Variants in SMPDL3B observed in about 807,000 individuals in gnomAD.
SMPDL3B encodes acid sphingomyelinase-like phosphodiesterase 3b.
A neutral mutation model predicts 37.9 loss-of-function variants in SMPDL3B; 31 were observed. The observed-to-expected ratio is 0.82, with a 90% CI of 0.61 to 1.10. SMPDL3B has a LOEUF of 1.10. Among genes scored for constraint, SMPDL3B ranks in the 50% least tolerant of loss-of-function variants. The pLI, the probability that SMPDL3B is intolerant of heterozygous loss-of-function variation, is 0.00. For missense variants in SMPDL3B, 525 were observed against 597.8 expected (o/e 0.88, Z 1.27); for synonymous variants, 235 against 242.6 (o/e 0.97, Z 0.29).
chr1:27,948,071 G>A (rs2090425583), intron 2 of SMPDL3B, among the ~76,000 whole-genome samples: 1 of 152,064 alleles, frequency 6.6e-6, no homozygotes, highest in South Asian at 2.1e-4. Context: ...TAGACTCTGG[G>A]GCCAGGCTGA....
intron 1 of SMPDL3B, among the ~76,000 whole-genome samples, chr1:27,937,366 A>T (rs1486255246): frequency 1.3e-5 from 2 of 152,188 alleles, no homozygotes; most frequent in Admixed American, 6.5e-5. Context: ...GGGCTGAGGG[A>T]GCAGGACCAG....
At chr1:27,944,118 C>T (rs536203023) in intron 1 of SMPDL3B, among the ~76,000 whole-genome samples, 6 of 151,812 alleles carry the variant, frequency 4.0e-5, no homozygotes, top group Non-Finnish European at 8.8e-5. Context: ...CTCTTTATTA[C>T]ACTGTGAAGT....
rs906972868 is a variant in SMPDL3B, at chr1:27,958,649, C to A, written c.1179C>A (p.Tyr393Ter). ...AGDQSTLQRY[Y>*]VYNSVSYSAG... ...ACCAGAGCACACTGCAGCGCTACTA[C>A]GTCTATAACTCAGTCAGCTACTCTG... The change falls in exon 8 of 8, where the codon TAC becomes TAA. Residue 393 changes from tyrosine (Y) to a stop codon, truncating the protein, a stop_gained. Coordinates refer to ENST00000373894, the MANE Select transcript of SMPDL3B (RefSeq NM_014474.4). LOFTEE classifies it low-confidence loss of function (END_TRUNC). The surrounding 1 kb of genome is among the most constrained non-coding windows in gnomAD (Gnocchi z 5.6). 2.5e-6 allele frequency: 4 copies of A among 1,613,956 alleles called. No individual in the cohort carries two copies. In the South Asian group the frequency reaches 3.3e-5, roughly 13 times the overall value.
intron 4 of SMPDL3B, among the ~76,000 whole-genome samples, chr1:27,954,045 G>A (rs1489652496): frequency 6.6e-6 from 1 of 152,238 alleles, no homozygotes; most frequent in Admixed American, 6.5e-5. Context: ...GAGCAGTGAA[G>A]GGTCGACAGT....
Position 27,945,143 on chromosome 1 carries a change from C to G in SMPDL3B, c.62-89C>G, listed in dbSNP as rs151129369. 49 of 1,298,658 alleles carry G rather than the reference C, an allele frequency of 3.8e-5. No homozygotes were observed. The highest frequency in any genetic ancestry group is 2.2e-4 in the Middle Eastern group (1 of 4,478). 80.4% of individuals were successfully genotyped at this position (1,298,658 alleles called of 1,614,324 possible). ...GACTTCCATTTGCCTGTGTAACGCC[C>G]CTGCCCCAGCCCAGGGCTCCCCTGG... On this transcript the variant is annotated intron_variant, in intron 1 of 7. Coordinates refer to ENST00000373894, the MANE Select transcript of SMPDL3B (RefSeq NM_014474.4). This position sits in a 1 kb window ranked among gnomAD's most constrained non-coding sequence, Gnocchi z 4.0.
chr1:27,946,964 G>A (rs1024564921), intron 2 of SMPDL3B, among the ~76,000 whole-genome samples: 2 of 152,130 alleles, frequency 1.3e-5, no homozygotes, highest in African/African-American at 4.8e-5. Flanking sequence ...TGATTTCTCC[G>A]AGAAGGGAGA....
chr1:27,943,438 A>T (rs2090376893), intron 1 of SMPDL3B, among the ~76,000 whole-genome samples: 1 of 152,144 alleles, frequency 6.6e-6, no homozygotes, highest in Non-Finnish European at 1.5e-5. Context: ...CTTTATCTGC[A>T]GGCTGTCCAC....
chr1:27,947,688 C>T (rs1191506628), intron 2 of SMPDL3B, among the ~76,000 whole-genome samples: 5 of 148,532 alleles, frequency 3.4e-5, no homozygotes, highest in African/African-American at 1.2e-4. Context: ...CGCTCTGTCG[C>T]CCAGGCTGGA....
intron 2 of SMPDL3B, among the ~76,000 whole-genome samples, chr1:27,948,473 A>G (rs10902682): frequency 0.62 from 93,822 of 151,906 alleles, 29,056 homozygotes; most frequent in South Asian, 0.76. Context: ...CTTGCCAAGC[A>G]TTTCTAAGGT....
At chr1:27,949,193 G>A in intron 3 of SMPDL3B, 31 bp downstream of exon 3, 2 of 1,611,944 alleles carry the variant, frequency 1.2e-6, no homozygotes, top group Non-Finnish European at 1.7e-6. Context: ...CCTCCACAGT[G>A]TTCTCGGAAC....
At chr1:27,935,898 A>T (rs4409675) in intron 1 of SMPDL3B, among the ~76,000 whole-genome samples, 92,025 of 151,764 alleles carry the variant, frequency 0.61, 29,239 homozygotes, top group Non-Finnish European at 0.71. Context: ...GACACACAGG[A>T]GATGTGCATG....
Position 27,935,002 on chromosome 1 carries a change from AC to A in SMPDL3B, c.-179del, listed in dbSNP as rs779228088. 14 of 579,940 alleles carry A rather than the reference AC, an allele frequency of 2.4e-5. No individual in the cohort carries two copies. Among genetic ancestry groups the A allele is most frequent in the Non-Finnish European group, 4.0e-5 (13 of 324,292 alleles). 35.9% of individuals were successfully genotyped at this position (579,940 alleles called of 1,614,324 possible). On this transcript the variant is annotated 5_prime_UTR_variant, in exon 1 of 8. Coordinates refer to ENST00000373894, the MANE Select transcript of SMPDL3B (RefSeq NM_014474.4). ...GCCTCCTCGGGCCAGCCCAGATCAT[AC>A]CCTGCTGGGCAAAGGAGGAAGAGCC... is the stretch of plus-strand genomic sequence containing the variant.
At chr1:27,939,814 T>G (rs2090342263) in intron 1 of SMPDL3B, among the ~76,000 whole-genome samples, 1 of 150,790 alleles carries the variant, frequency 6.6e-6, no homozygotes, top group South Asian at 2.1e-4. Flanking sequence ...GTTTGTTTGT[T>G]TTTGTTTGTT....
chr1:27,942,695 C>T (rs1409169618), intron 1 of SMPDL3B, among the ~76,000 whole-genome samples: 3 of 146,822 alleles, frequency 2.0e-5, no homozygotes, highest in Non-Finnish European at 3.0e-5. Flanking sequence ...GATGGAGTCT[C>T]GCTCTGTCGC....
intron 5 of SMPDL3B, among the ~76,000 whole-genome samples, chr1:27,955,309 C>T (rs2090490228): frequency 6.6e-6 from 1 of 152,202 alleles, no homozygotes; most frequent in African/African-American, 2.4e-5. Flanking sequence ...AACGAATGCA[C>T]ATTACCGTGT....
Position 27,945,249 on chromosome 1 carries a change from G to A in SMPDL3B, c.79G>A (p.Ala27Thr), listed in dbSNP as rs544282310. ...CCCTGCAGGGAAGTTCTGGCACATC[G>A]CTGACCTGCACCTTGACCCTGACTA... ...RAEPGKFWHI[A>T]DLHLDPDYKV... is the part of the protein sequence containing the mutation. The change falls in exon 2 of 8, where the codon GCT becomes ACT. Residue 27 changes from alanine to threonine, a missense_variant. Ala to Thr is a moderately conservative substitution (Grantham distance 58). Coordinates refer to ENST00000373894, the MANE Select transcript of SMPDL3B (RefSeq NM_014474.4). The surrounding 1 kb of genome is among the most constrained non-coding windows in gnomAD (Gnocchi z 4.0). 3.7e-5 allele frequency: 60 copies of A among 1,613,998 alleles called. No homozygotes were observed. The Middle Eastern group carries it at 3.8e-3, about 102-fold the overall frequency.
At chr1:27,949,916 A>G (rs1202519554) in intron 3 of SMPDL3B, among the ~76,000 whole-genome samples, 2 of 152,064 alleles carry the variant, frequency 1.3e-5, no homozygotes, top group Non-Finnish European at 2.9e-5. Flanking sequence ...ATAAAAATAA[A>G]TAATGGCACT....
chr1:27,953,922 T>C (rs1191139418), intron 4 of SMPDL3B, among the ~76,000 whole-genome samples: 1 of 152,206 alleles, frequency 6.6e-6, no homozygotes, highest in Non-Finnish European at 1.5e-5. Context: ...TACTCTTCCC[T>C]TTCCTCGGTC....
At position 27,958,593 on chromosome 1, in the gene SMPDL3B, A is replaced by G; in HGVS notation, c.1123A>G (p.Met375Val). The G allele has an allele frequency of 6.2e-7, 1 of 1,613,962 alleles. No homozygotes were observed. Among genetic ancestry groups the G allele is most frequent in the South Asian group, 1.1e-5 (1 of 91,084 alleles). Residue 375 changes from methionine (M) to valine (V), a missense_variant, in exon 8 of 8, where the codon ATG becomes GTG. Met to Val is a conservative substitution (Grantham distance 21, BLOSUM62 1). Coordinates refer to ENST00000373894, the MANE Select transcript of SMPDL3B (RefSeq NM_014474.4). The surrounding 1 kb of genome is among the most constrained non-coding windows in gnomAD (Gnocchi z 5.6). ...GGTGCCGGACGCCAGCGCCCACTCC[A>G]TGCACACAGTGCTGGACCGCATCGC... Reference protein sequence around the residue: ...YGVPDASAHSMHTVLDRIAGD... With the variant: ...YGVPDASAHSVHTVLDRIAGD...
Sources: allele counts gnomAD v4.1 joint callset (sites outside exome capture counted in the v4.1 genomes callset), GRCh38; gene constraint gnomAD v4.1.1; non-coding constraint Gnocchi (gnomAD v3.1); transcripts MANE v1.5; gene names NCBI Gene and HGNC (gene_info 2026-07-23, HGNC 2026-07-21).